CAPZB: variants seen among roughly 807,000 people sequenced by gnomAD.
CAPZB encodes F-actin-capping protein subunit beta.
In CAPZB, 2 loss-of-function variants were observed where a neutral mutation model predicts 38.1. The observed-to-expected ratio is 0.05, with a 90% CI of 0.02 to 0.17. The LOEUF is 0.17. Among genes scored for constraint, CAPZB ranks in the 10% least tolerant of loss-of-function variants. The pLI is 1.00. For synonymous variants in CAPZB, 107 were observed against 127.4 expected, an observed-to-expected ratio of 0.84 and a Z score of 1.08; for missense variants, 161 against 334.2, an observed-to-expected ratio of 0.48 and a Z score of 4.04.
At chr1:19,353,807 C>T (rs1006215623) in intron 6 of CAPZB, among the ~76,000 whole-genome samples, 6 of 152,198 alleles carry the variant, frequency 3.9e-5, no homozygotes, top group East Asian at 1.9e-4. Context: ...GGCACACCTG[C>T]GGGAGGGGCC....
At chr1:19,354,007 T>C (rs1206618651) in intron 6 of CAPZB, among the ~76,000 whole-genome samples, 2 of 152,202 alleles carry the variant, frequency 1.3e-5, no homozygotes, top group Non-Finnish European at 2.9e-5. Context: ...ATCTGACTAT[T>C]TAGCAGTCAC....
At chr1:19,367,432 C>T (rs780305193) in intron 4 of CAPZB, among the ~76,000 whole-genome samples, 2 of 152,186 alleles carry the variant, frequency 1.3e-5, no homozygotes, top group Non-Finnish European at 2.9e-5. Context: ...AAGTGTCCGT[C>T]AGAAACACAA....
intron 2 of CAPZB, among the ~76,000 whole-genome samples, chr1:19,417,375 C>T (rs2094384677): frequency 2.0e-5 from 3 of 152,158 alleles, no homozygotes. Context: ...GCCAAGCATG[C>T]TTTCATGCTG....
chr1:19,357,010 C>T lies in CAPZB; in HGVS notation c.472-259G>A, dbSNP rs1379158320. ...CCAAGTAGCTGGGATTATGGGCGCCCGCCACCACGCCTGGCTAATGTTTTT... is the reference window on the plus strand; with the variant it reads ...CCAAGTAGCTGGGATTATGGGCGCCTGCCACCACGCCTGGCTAATGTTTTT... On this transcript the variant is annotated intron_variant, in intron 5 of 8. Coordinates refer to ENST00000264202, the MANE Select transcript of CAPZB (RefSeq NM_004930.5). The surrounding 1 kb of genome is among the most constrained non-coding windows in gnomAD (Gnocchi z 4.3). 2.6e-5 allele frequency among the ~76,000 whole-genome samples: 4 copies of T among 152,016 alleles called. No individual in the cohort carries two copies. Among genetic ancestry groups the T allele is most frequent in the African/African-American group, 7.2e-5 (3 of 41,396 alleles).
intron 4 of CAPZB, among the ~76,000 whole-genome samples, chr1:19,371,254 T>C (rs1012156962): frequency 2.0e-5 from 3 of 152,156 alleles, no homozygotes; most frequent in African/African-American, 7.2e-5. Flanking sequence ...TCACGAAGCC[T>C]GCTACCCCAT....
chr1:19,344,648 G>A (rs1190988172), intron 7 of CAPZB, among the ~76,000 whole-genome samples: 1 of 152,244 alleles, frequency 6.6e-6, no homozygotes, highest in East Asian at 1.9e-4. Context: ...CAGGCAGGGA[G>A]GAAGCCAGTA....
At chr1:19,417,993 G>A (rs2094386965) in intron 2 of CAPZB, among the ~76,000 whole-genome samples, 1 of 151,790 alleles carries the variant, frequency 6.6e-6, no homozygotes, top group South Asian at 2.1e-4. Flanking sequence ...AAAATTAGCT[G>A]GGCACGGTCG....
intron 1 of CAPZB, among the ~76,000 whole-genome samples, chr1:19,466,472 G>A (rs1260414675): frequency 6.6e-6 from 1 of 152,180 alleles, no homozygotes; most frequent in Non-Finnish European, 1.5e-5. Flanking sequence ...GCTTCCTCAC[G>A]GCGCAGGTGA....
At chr1:19,370,998 G>A (rs2094116892) in intron 4 of CAPZB, among the ~76,000 whole-genome samples, 1 of 152,168 alleles carries the variant, frequency 6.6e-6, no homozygotes, top group South Asian at 2.1e-4. Flanking sequence ...ATTTGCCACT[G>A]ACCCTGGGCA....
At chr1:19,448,288 G>A (rs2094503142) in intron 1 of CAPZB, among the ~76,000 whole-genome samples, 1 of 152,214 alleles carries the variant, frequency 6.6e-6, no homozygotes, top group African/African-American at 2.4e-5. Flanking sequence ...CTCCACTCCT[G>A]GCTGTCAACC....
At chr1:19,426,207 A>C (rs1229109922) in intron 1 of CAPZB, among the ~76,000 whole-genome samples, 1 of 152,176 alleles carries the variant, frequency 6.6e-6, no homozygotes, top group African/African-American at 2.4e-5. Context: ...TTCTCCCCGC[A>C]GTTTTTTGCT....
Position 19,357,416 on chromosome 1 carries a change from C to T in CAPZB, c.471+6G>A. 1.2e-6 allele frequency: 2 copies of T among 1,613,546 alleles called. No homozygotes were observed. The highest frequency in any genetic ancestry group is 8.5e-7 in the Non-Finnish European group (1 of 1,179,886). On this transcript the variant is annotated splice_donor_region_variant and intron_variant, in intron 5 of 8. Coordinates refer to ENST00000264202, the MANE Select transcript of CAPZB (RefSeq NM_004930.5). The surrounding 1 kb of genome is among the most constrained non-coding windows in gnomAD (Gnocchi z 4.3). Reference sequence around the variant, plus strand: ...GCCCGGGCCACCAGCTGCTGGGAGGCAGTACCTGCACTTCTACCACGTGGA... The same window carrying T: ...GCCCGGGCCACCAGCTGCTGGGAGGTAGTACCTGCACTTCTACCACGTGGA...
At chr1:19,386,516 C>A (rs544888707) in intron 2 of CAPZB, among the ~76,000 whole-genome samples, 2 of 152,208 alleles carry the variant, frequency 1.3e-5, no homozygotes, top group African/African-American at 4.8e-5. Flanking sequence ...AAAGTGCCTG[C>A]CAGTTGCACC....
chr1:19,452,142 C>CCTCCATCCCT (rs1221698042), intron 1 of CAPZB, among the ~76,000 whole-genome samples: 1 of 151,930 alleles, frequency 6.6e-6, no homozygotes, highest in Non-Finnish European at 1.5e-5. Context: ...CCTGATCATC[C>CCTCCATCCCT]CTCCATCCCT....
rs1024039751 is a variant in CAPZB at position 19,356,255 on chromosome 1, G to C, written c.588+380C>G. On this transcript the variant is annotated intron_variant, in intron 6 of 8. Transcript: ENST00000264202. This position sits in a 1 kb window ranked among gnomAD's most constrained non-coding sequence, Gnocchi z 4.3. ...CAAGGTGCAGACACTCTGAGCTCAG[G>C]TAAGCTGCTCCCAGAGAGCTGGCCT... Among the ~76,000 whole-genome samples the C allele has an allele frequency of 6.6e-6, 1 of 152,220 alleles. No individual in the cohort carries two copies. Among genetic ancestry groups the C allele is most frequent in the African/African-American group, 2.4e-5 (1 of 41,460 alleles).
chr1:19,425,607 C>T (rs979156941), intron 1 of CAPZB, among the ~76,000 whole-genome samples: 2 of 152,184 alleles, frequency 1.3e-5, no homozygotes, highest in Admixed American at 6.5e-5. Flanking sequence ...ATTTCACCTC[C>T]TGTTTTCACA....
intron 1 of CAPZB, among the ~76,000 whole-genome samples, chr1:19,439,362 A>G (rs1160026245): frequency 2.0e-5 from 3 of 152,262 alleles, no homozygotes; most frequent in Non-Finnish European, 4.4e-5. Context: ...TATGGTATCA[A>G]TTATTAATAG....
chr1:19,411,782 A>C lies in CAPZB; in HGVS notation c.93+7879T>G, dbSNP rs529608630. 2.6e-5 allele frequency among the ~76,000 whole-genome samples: 4 copies of C among 152,320 alleles called. No homozygotes were observed. The South Asian group carries it at 8.3e-4, about 32-fold the overall frequency. ...CTGGTCAGGTAAGAGCACCCCAGGA[A>C]GCCCCACTTCCTCTTTCTAAGCAAA... On this transcript the variant is annotated intron_variant, in intron 2 of 8. Transcript: ENST00000264202.
At position 19,444,216 on chromosome 1, in the gene CAPZB, C is replaced by A. The variant is rs143509990; in HGVS notation, c.4-24466G>T. Among the ~76,000 whole-genome samples the A allele has an allele frequency of 3.3e-5, 5 of 152,238 alleles. No individual in the cohort carries two copies. In the East Asian group the frequency reaches 9.6e-4, roughly 29 times the overall value. On this transcript the variant is annotated intron_variant, in intron 1 of 8. Transcript: ENST00000264202. Reference sequence around the variant, plus strand: ...CAATGAAGAGCTTCAGCAGGAGTGTCTCCCATAGAAAGAGGCAGGTGTGTC... The same window carrying A: ...CAATGAAGAGCTTCAGCAGGAGTGTATCCCATAGAAAGAGGCAGGTGTGTC...
Sources: allele counts gnomAD v4.1 joint callset (sites outside exome capture counted in the v4.1 genomes callset), GRCh38; gene constraint gnomAD v4.1.1; non-coding constraint Gnocchi (gnomAD v3.1); transcripts MANE v1.5; gene names NCBI Gene and HGNC (gene_info 2026-07-23, HGNC 2026-07-21).